The following KDM4C variants were observed in gnomAD, a reference collection of about 807,000 sequenced individuals.
KDM4C encodes the protein lysine-specific demethylase 4C.
A neutral mutation model predicts 129.3 loss-of-function variants in KDM4C; 81 were observed. The observed-to-expected ratio is 0.63, with a 90% CI of 0.52 to 0.75. KDM4C has a LOEUF of 0.75. KDM4C is among the 30% of genes least tolerant of loss of function. KDM4C has a pLI of 0.00. For synonymous variants in KDM4C, 573 were observed against 456.1 expected (o/e 1.26, Z -3.26); for missense variants, 1,457 against 1,304.0 (o/e 1.12, Z -1.81).
At chr9:6,731,951 G>A (rs895186127) in intron 1 of KDM4C, among the ~76,000 whole-genome samples, 1 of 152,106 alleles carries the variant, frequency 6.6e-6, no homozygotes, top group Non-Finnish European at 1.5e-5. Context: ...AAACCTTTGG[G>A]AGAATACAGT....
rs149794592 is a variant in KDM4C, at chr9:6,732,537, C to T, written c.49+11540C>T. 1.9e-3 allele frequency among the ~76,000 whole-genome samples: 292 copies of T among 151,388 alleles called. 4 individuals are homozygous for T. Among genetic ancestry groups the T allele is most frequent in the African/African-American group, 5.7e-3 (236 of 41,216 alleles). On this transcript the variant is annotated intron_variant, in intron 1 of 17. Transcript: ENST00000536108. ...TGCTGGGATTACGGGCATGAGCCAC[C>T]GCACCCAGCCAGAAAGGAAAATTTA...
At chr9:7,034,216 T>C (rs1827255068) in intron 15 of KDM4C, among the ~76,000 whole-genome samples, 1 of 152,218 alleles carries the variant, frequency 6.6e-6, no homozygotes. Flanking sequence ...GTTGGGAACA[T>C]GCAATACCTC....
intron 8 of KDM4C, among the ~76,000 whole-genome samples, chr9:6,975,190 T>G (rs979096608): frequency 3.3e-5 from 5 of 152,204 alleles, no homozygotes; most frequent in African/African-American, 1.2e-4. Context: ...GAAATTAATC[T>G]GAACCTATTA....
At chr9:6,948,033 G>C (rs1017961393) in intron 8 of KDM4C, 4 of 151,712 alleles carry the variant, frequency 2.6e-5, no homozygotes, top group Non-Finnish European at 5.9e-5. Flanking sequence ...TTTTTTCTAG[G>C]TGAGATGCTG....
At chr9:7,102,345 G>T (rs1837194676) in intron 17 of KDM4C, among the ~76,000 whole-genome samples, 1 of 125,750 alleles carries the variant, frequency 8.0e-6, no homozygotes, top group African/African-American at 3.1e-5. Flanking sequence ...GAGTGACTTG[G>T]AGATAAAGAG....
intron 5 of KDM4C, among the ~76,000 whole-genome samples, chr9:6,870,471 T>C (rs1376967072): frequency 6.6e-6 from 1 of 152,094 alleles, no homozygotes; most frequent in Non-Finnish European, 1.5e-5. Flanking sequence ...AAGCTTTGGC[T>C]TCCTCATTAG....
At chr9:6,898,201 G>T (rs1436590884) in intron 8 of KDM4C, among the ~76,000 whole-genome samples, 3 of 152,222 alleles carry the variant, frequency 2.0e-5, no homozygotes, top group African/African-American at 7.2e-5. Flanking sequence ...CAGCTTGACT[G>T]TTTGGAGACA....
intron 19 of KDM4C, among the ~76,000 whole-genome samples, chr9:7,143,793 C>A (rs1180753960): frequency 6.6e-6 from 1 of 152,200 alleles, no homozygotes; most frequent in Non-Finnish European, 1.5e-5. Flanking sequence ...CACTCCTTAA[C>A]CATCTTAGCT....
chr9:7,091,100 A>G (rs2133044228), intron 17 of KDM4C, among the ~76,000 whole-genome samples: 1 of 152,254 alleles, frequency 6.6e-6, no homozygotes, highest in Admixed American at 6.5e-5. Flanking sequence ...TCTATTTTTA[A>G]TCTGATCTTC....
intron 12 of KDM4C, among the ~76,000 whole-genome samples, chr9:7,010,406 A>T (rs1318449535): frequency 6.6e-6 from 1 of 152,224 alleles, no homozygotes; most frequent in Admixed American, 6.5e-5. Context: ...TTTCAGCCTC[A>T]TTCAGTCCTT....
chr9:7,062,403 T>C (rs558854196), intron 17 of KDM4C, among the ~76,000 whole-genome samples: 1 of 150,326 alleles, frequency 6.7e-6, no homozygotes, highest in African/African-American at 2.4e-5. Context: ...CTTGTTTATT[T>C]TTGAGACAGG....
chr9:6,735,542 C>T (rs1817500712), intron 1 of KDM4C, among the ~76,000 whole-genome samples: 1 of 152,100 alleles, frequency 6.6e-6, no homozygotes, highest in Non-Finnish European at 1.5e-5. Flanking sequence ...GTGAATGAGT[C>T]TCATTAGGTC....
Position 6,888,047 on chromosome 9 carries a change from G to A in KDM4C, c.767G>A (p.Gly256Asp). 3.8e-6 allele frequency: 6 copies of A among 1,571,134 alleles called. No homozygotes were observed. Among genetic ancestry groups the A allele is most frequent in the Non-Finnish European group, 5.2e-6 (6 of 1,144,436 alleles). ...LISPSVLKKY[G>D]IPFDKITQEA... Reference sequence around the variant, plus strand: ...TCTCCATCAGTATTGAAGAAATATGGTATTCCCTTTGACAAGGTATGTTAG... The same window carrying A: ...TCTCCATCAGTATTGAAGAAATATGATATTCCCTTTGACAAGGTATGTTAG... Residue 256 changes from glycine to aspartate, a missense_variant, in exon 7 of 22, where the codon GGT (glycine) becomes GAT (aspartate). By Grantham distance (94) the Gly-to-Asp change is moderately conservative. Coordinates refer to ENST00000381309, the MANE Select transcript of KDM4C (RefSeq NM_015061.6).
chr9:6,906,775 TAA>T (rs1818399862), intron 8 of KDM4C, among the ~76,000 whole-genome samples: 1 of 151,940 alleles, frequency 6.6e-6, no homozygotes, highest in Non-Finnish European at 1.5e-5. Flanking sequence ...TTTGGGTTAC[TAA>T]AAGTGTTTGG....
chr9:6,999,854 TG>T (rs1349336749), intron 12 of KDM4C, among the ~76,000 whole-genome samples: 2 of 152,220 alleles, frequency 1.3e-5, no homozygotes, highest in Non-Finnish European at 2.9e-5. Flanking sequence ...GTGTGATGGC[TG>T]CTGCATGTCA....
intron 12 of KDM4C, among the ~76,000 whole-genome samples, chr9:7,009,856 A>G (rs781206857): frequency 2.3e-4 from 35 of 152,212 alleles, no homozygotes; most frequent in Admixed American, 1.2e-3. Flanking sequence ...TTCAATAAAT[A>G]CATTAGAACA....
At chr9:7,136,490 C>T (rs1308662735) in intron 19 of KDM4C, among the ~76,000 whole-genome samples, 1 of 152,212 alleles carries the variant, frequency 6.6e-6, no homozygotes, top group Admixed American at 6.5e-5. Context: ...TCACCAACAC[C>T]TGTGTTGTCA....
At chr9:6,876,809 A>C (rs1211701073) in intron 5 of KDM4C, among the ~76,000 whole-genome samples, 3 of 152,192 alleles carry the variant, frequency 2.0e-5, no homozygotes, top group Admixed American at 2.0e-4. Flanking sequence ...TGCAGGTTTG[A>C]AAGTGCTATG....
At chr9:6,989,750 A>G (rs976236439) in intron 11 of KDM4C, among the ~76,000 whole-genome samples, 1 of 152,072 alleles carries the variant, frequency 6.6e-6, no homozygotes. Flanking sequence ...ACAGTCCTGT[A>G]TTTTTATGAG....
Sources: gnomAD v4.1 joint callset for allele counts (sites outside exome capture counted in the v4.1 genomes callset) on GRCh38, gnomAD v4.1.1 for gene constraint, MANE v1.5 for transcripts, NCBI Gene and HGNC (gene_info 2026-07-23, HGNC 2026-07-21) for gene names.